Variants in LRRC37A2 observed in about 807,000 individuals in gnomAD.
LRRC37A2 encodes the protein leucine rich repeat containing 37 member A2.
A neutral mutation model predicts 68.8 loss-of-function variants in LRRC37A2; 9 were observed. The ratio of observed to expected loss-of-function variants is 0.13; its 90% CI spans 0.08 to 0.23. The LOEUF is 0.23. Among genes scored for constraint, LRRC37A2 ranks in the 10% least tolerant of loss-of-function variants. The pLI, the probability that LRRC37A2 is intolerant of heterozygous loss-of-function variation, is 1.00. For missense variants in LRRC37A2, 168 were observed against 950.4 expected (o/e 0.18, Z 10.82); for synonymous variants, 63 against 367.6 (o/e 0.17, Z 9.48).
chr17:46,835,535 T>C, the LRRC37A2 span, among the ~76,000 whole-genome samples: 44,653 of 152,042 alleles, frequency 0.29, 7,270 homozygotes, highest in East Asian at 0.45. Context: ...CTTAATGAGG[T>C]GACCATGAGT....
At chr17:46,865,698 C>G in the LRRC37A2 span, among the ~76,000 whole-genome samples, 2 of 152,102 alleles carry the variant, frequency 1.3e-5, no homozygotes, top group African/African-American at 4.8e-5. Context: ...CCACTGCAGC[C>G]TTGACCTCCT....
At chr17:47,014,670 C>T in the LRRC37A2 span, among the ~76,000 whole-genome samples, 7 of 151,860 alleles carry the variant, frequency 4.6e-5, no homozygotes, top group South Asian at 1.0e-3. Context: ...AGTCTCCCCC[C>T]GCTCCAGGAG....
At position 46,533,413 on chromosome 17, in the gene LRRC37A2, T is replaced by G. The variant is rs1431697387; in HGVS notation, c.2907-6763T>G. Among the ~76,000 whole-genome samples, 3 of 124,968 alleles carry G rather than the reference T, an allele frequency of 2.4e-5. No individual in the cohort carries two copies. In the East Asian group the frequency reaches 6.8e-4, roughly 28 times the overall value. The allele number at this position is 124,968 out of a possible 152,430, so 82.0% of individuals were successfully genotyped here. Reference sequence around the variant, plus strand: ...TCCACTCTCACCCCCTCCTTTATACTGTTATTGTCACACATTACATCTTTA... The same window carrying G: ...TCCACTCTCACCCCCTCCTTTATACGGTTATTGTCACACATTACATCTTTA... On this transcript the variant is annotated intron_variant, in intron 6 of 14. Coordinates refer to ENST00000576629, the Ensembl canonical transcript of LRRC37A2.
the LRRC37A2 span, among the ~76,000 whole-genome samples, chr17:46,735,229 C>T: frequency 2.0e-5 from 3 of 152,078 alleles, no homozygotes; most frequent in Non-Finnish European, 2.9e-5. Flanking sequence ...TTTCTGATAA[C>T]TCAAAATTAA....
At chr17:46,800,997 T>C in the LRRC37A2 span, among the ~76,000 whole-genome samples, 1 of 152,054 alleles carries the variant, frequency 6.6e-6, no homozygotes, top group Non-Finnish European at 1.5e-5. Flanking sequence ...GACTGTAACA[T>C]GAAATTAATG....
chr17:46,934,961 C>T, the LRRC37A2 span: 29 of 1,440,600 alleles, frequency 2.0e-5, no homozygotes, highest in African/African-American at 2.8e-5. Flanking sequence ...GGCCAAAAGA[C>T]AGAGCAGTGA....
chr17:46,775,865 G>A, the LRRC37A2 span, among the ~76,000 whole-genome samples: 1 of 151,682 alleles, frequency 6.6e-6, no homozygotes, highest in East Asian at 1.9e-4. Context: ...CACACACCTC[G>A]GCCTCCCAAA....
the LRRC37A2 span, among the ~76,000 whole-genome samples, chr17:46,679,144 A>G: frequency 6.6e-6 from 1 of 152,060 alleles, no homozygotes; most frequent in East Asian, 1.9e-4. Flanking sequence ...CATAAAAATC[A>G]GATTGTGGTT....
intron 11 of LRRC37A2, 63 bp from the exon 11 acceptor site, chr17:46,553,337 T>G (rs552099639): frequency 6.2e-7 from 1 of 1,608,214 alleles, no homozygotes; most frequent in South Asian, 1.1e-5. Context: ...AAGGAATCAA[T>G]ACAGATTTGG....
the LRRC37A2 span, among the ~76,000 whole-genome samples, chr17:46,975,725 C>T: frequency 6.6e-6 from 1 of 152,150 alleles, no homozygotes; most frequent in African/African-American, 2.4e-5. Flanking sequence ...CAGACTTGTA[C>T]ACCACAGGGG....
chr17:46,935,902 G>T, the LRRC37A2 span: 2 of 985,822 alleles, frequency 2.0e-6, no homozygotes, highest in Non-Finnish European at 2.4e-6. Flanking sequence ...TGTTATCAGG[G>T]TGTGGTCCCC....
At chr17:46,866,894 G>C in the LRRC37A2 span, among the ~76,000 whole-genome samples, 1 of 152,152 alleles carries the variant, frequency 6.6e-6, no homozygotes, top group Admixed American at 6.5e-5. Context: ...GGTCCTCTTA[G>C]GTGATGAGAA....
At chr17:46,537,161 CTTTTTTTTTT>C (rs1212155417) in intron 6 of LRRC37A2, among the ~76,000 whole-genome samples, 1 of 7,782 alleles carries the variant, frequency 1.3e-4, no homozygotes, top group Non-Finnish European at 2.5e-4. Flanking sequence ...TTGGATGTCT[CTTTTTTTTTT>C]TTTTTTTTTT....
At chr17:46,742,061 T>G in the LRRC37A2 span, among the ~76,000 whole-genome samples, 1 of 152,228 alleles carries the variant, frequency 6.6e-6, no homozygotes, top group South Asian at 2.1e-4. Flanking sequence ...CCAATAGTAC[T>G]TGTTATCTCA....
At chr17:46,697,194 G>A in the LRRC37A2 span, among the ~76,000 whole-genome samples, 2 of 143,014 alleles carry the variant, frequency 1.4e-5, 1 homozygote, top group African/African-American at 5.5e-5. Flanking sequence ...GCACATGGTA[G>A]GTGTCCAGTA....
chr17:46,749,157 A>T, the LRRC37A2 span, among the ~76,000 whole-genome samples: 1 of 152,216 alleles, frequency 6.6e-6, no homozygotes, highest in Non-Finnish European at 1.5e-5. Context: ...AAGCCAAGAG[A>T]ATTGAAAATG....
chr17:46,931,275 G>A, the LRRC37A2 span: 6 of 829,534 alleles, frequency 7.2e-6, no homozygotes, highest in African/African-American at 3.3e-5. Flanking sequence ...CTCCCTGGGG[G>A]AGGTGATAGA....
the LRRC37A2 span, among the ~76,000 whole-genome samples, chr17:46,853,914 A>C: frequency 5.3e-4 from 81 of 152,308 alleles, no homozygotes; most frequent in East Asian, 0.011. Context: ...AGGTGTTCTC[A>C]GCAGTGCATG....
the LRRC37A2 span, among the ~76,000 whole-genome samples, chr17:46,777,047 A>G: frequency 6.6e-6 from 1 of 152,126 alleles, no homozygotes; most frequent in African/African-American, 2.4e-5. Flanking sequence ...CATTATACAG[A>G]TGAAAAACAG....
Sources: allele counts gnomAD v4.1 joint callset (sites outside exome capture counted in the v4.1 genomes callset), GRCh38; gene constraint gnomAD v4.1.1; transcripts MANE v1.5; gene names NCBI Gene and HGNC (gene_info 2026-07-23, HGNC 2026-07-21).